The following UBE2D2 variants were observed in gnomAD, a reference collection of about 807,000 sequenced individuals.
UBE2D2 encodes the protein ubiquitin-conjugating enzyme E2 D2.
UBE2D2 carries 2 observed loss-of-function variants against 24.2 expected under a neutral mutation model. The ratio of observed to expected loss-of-function variants is 0.08; its 90% CI spans 0.03 to 0.26. UBE2D2 has a LOEUF of 0.26. UBE2D2 is among the 10% of genes least tolerant of loss of function. UBE2D2 has a pLI of 1.00. For synonymous variants in UBE2D2, 58 were observed against 56.5 expected, an observed-to-expected ratio of 1.03 and a Z score of -0.12; for missense variants, 44 against 177.6, an observed-to-expected ratio of 0.25 and a Z score of 4.28.
chr5:139,608,030 A>C (rs1368522406), intron 2 of UBE2D2, among the ~76,000 whole-genome samples: 4 of 152,040 alleles, frequency 2.6e-5, no homozygotes, highest in East Asian at 3.9e-4. Context: ...AAAAAAAAAA[A>C]AACTTAAATA....
chr5:139,561,760 GC>G lies in UBE2D2; in HGVS notation c.-28del. The G allele has an allele frequency of 2.0e-6, 1 of 500,292 alleles. No homozygotes were observed. The highest frequency in any genetic ancestry group is 3.0e-6 in the Non-Finnish European group (1 of 332,134). The allele number at this position is 500,292 out of a possible 1,614,324, so 31.0% of individuals were successfully genotyped here. A position where few individuals can be genotyped will look rare whatever the true frequency, so the allele number is the denominator to read the frequency against. ...CCGTCCCTTCCCCGCCCCCGTCCCC[GC>G]CCCGGGGGCCGCCGCCACCCGCCTC... On this transcript the variant is annotated 5_prime_UTR_variant, in exon 1 of 7. Coordinates refer to ENST00000398733, the MANE Select transcript of UBE2D2 (RefSeq NM_003339.3).
intron 1 of UBE2D2, among the ~76,000 whole-genome samples, chr5:139,542,974 G>A (rs1752778355): frequency 6.6e-6 from 1 of 152,110 alleles, no homozygotes; most frequent in Non-Finnish European, 1.5e-5. Context: ...TCAGCTCACT[G>A]CAACCTCTGC....
intron 1 of UBE2D2, among the ~76,000 whole-genome samples, chr5:139,549,703 C>T (rs1248197710): frequency 6.6e-6 from 1 of 152,358 alleles, no homozygotes; most frequent in East Asian, 1.9e-4. Context: ...CCCATCCCAT[C>T]GACCGCCCAA....
intron 1 of UBE2D2, among the ~76,000 whole-genome samples, chr5:139,582,969 T>C (rs561252892): frequency 3.3e-4 from 49 of 149,034 alleles, no homozygotes; most frequent in Admixed American, 2.0e-3. Flanking sequence ...TGCGCCCGGC[T>C]TTTTTTTCTT....
Position 139,561,656 on chromosome 5 carries a change from G to A in UBE2D2, c.-136G>A. The A allele has an allele frequency of 3.2e-6, 2 of 618,350 alleles. No homozygotes were observed. The highest frequency in any genetic ancestry group is 2.6e-5 in the South Asian group (1 of 38,284). 38.3% of individuals were successfully genotyped at this position (618,350 alleles called of 1,614,324 possible). A position where few individuals can be genotyped will look rare whatever the true frequency, so the allele number is the denominator to read the frequency against. On this transcript the variant is annotated 5_prime_UTR_variant, in exon 1 of 7. Coordinates refer to ENST00000398733, the MANE Select transcript of UBE2D2 (RefSeq NM_003339.3). The stretch of plus-strand genomic sequence containing the variant: ...GCCCCGGCCCTCAGCCCGTCCCGCC[G>A]GACCCGCTTTCCTCAACTCTCCATC...
intron 1 of UBE2D2, among the ~76,000 whole-genome samples, chr5:139,549,680 T>C (rs1244588773): frequency 6.6e-6 from 1 of 152,192 alleles, no homozygotes; most frequent in Non-Finnish European, 1.5e-5. Context: ...CGCCACCCCC[T>C]GCTCCGCGGC....
chr5:139,575,365 G>C (rs1320087610), intron 1 of UBE2D2, among the ~76,000 whole-genome samples: 1 of 151,970 alleles, frequency 6.6e-6, no homozygotes, highest in Non-Finnish European at 1.5e-5. Flanking sequence ...CTACGGAATT[G>C]GTATAATCTC....
intron 2 of UBE2D2, among the ~76,000 whole-genome samples, chr5:139,601,370 G>A (rs924308193): frequency 2.0e-5 from 3 of 152,126 alleles, no homozygotes; most frequent in African/African-American, 4.8e-5. Context: ...TTAGGAGACC[G>A]AGGCAGGTGA....
chr5:139,618,064 C>G (rs1018016783), intron 5 of UBE2D2, among the ~76,000 whole-genome samples: 1 of 152,112 alleles, frequency 6.6e-6, no homozygotes, highest in South Asian at 2.1e-4. Context: ...ACCTCCACCT[C>G]CCGGGTTCAA....
intron 2 of UBE2D2, among the ~76,000 whole-genome samples, chr5:139,608,247 C>A (rs989924768): frequency 6.6e-6 from 1 of 151,932 alleles, no homozygotes; most frequent in African/African-American, 2.4e-5. Context: ...GTCTGGGCAA[C>A]GTGACAAAAC....
intron 1 of UBE2D2, among the ~76,000 whole-genome samples, chr5:139,585,133 C>T (rs750129588): frequency 5.3e-5 from 8 of 151,648 alleles, no homozygotes; most frequent in Admixed American, 1.3e-4. Flanking sequence ...CTCCGCACCT[C>T]ACATGATCCA....
chr5:139,623,342 A>G (rs1754551942), intron 5 of UBE2D2, 26 bp from the exon 6 acceptor site: 1 of 1,538,102 alleles, frequency 6.5e-7, no homozygotes, highest in East Asian at 2.3e-5. Context: ...ATCCTCTGCT[A>G]ATTTATATGA....
At chr5:139,569,149 A>G (rs1268399605) in intron 1 of UBE2D2, among the ~76,000 whole-genome samples, 1 of 152,166 alleles carries the variant, frequency 6.6e-6, no homozygotes. Flanking sequence ...TATCTTGGAT[A>G]GTTCTATCTT....
chr5:139,550,621 C>T (rs1021658157), intron 1 of UBE2D2, among the ~76,000 whole-genome samples: 3 of 151,994 alleles, frequency 2.0e-5, no homozygotes, highest in Admixed American at 6.6e-5. Flanking sequence ...GCTGCTCATT[C>T]TTTGGGTACA....
chr5:139,614,692 A>G lies in UBE2D2; in HGVS notation c.121-5A>G, dbSNP rs1754387958. ...TTTTAATCCCACTTTTCTTGTTATC[A>G]ACAGAATGACAGTCCCTATCAGGGT... On this transcript the variant is annotated splice_region_variant and splice_polypyrimidine_tract_variant and intron_variant, in intron 3 of 6. Transcript: ENST00000398733. The G allele has an allele frequency of 6.2e-7, 1 of 1,613,798 alleles. No individual in the cohort carries two copies. The highest frequency in any genetic ancestry group is 1.7e-5 in the Admixed American group (1 of 59,994).
chr5:139,609,035 A>G (rs28666809), intron 2 of UBE2D2, among the ~76,000 whole-genome samples: 2 of 152,064 alleles, frequency 1.3e-5, no homozygotes, highest in South Asian at 4.2e-4. Context: ...TGCAGTGAGC[A>G]AAGATCGCAC....
intron 1 of UBE2D2, among the ~76,000 whole-genome samples, chr5:139,574,149 T>G (rs1168618230): frequency 6.9e-6 from 1 of 145,308 alleles, no homozygotes; most frequent in Non-Finnish European, 1.5e-5. Flanking sequence ...GGCGTGGTGG[T>G]GGGGGCCTGT....
chr5:139,548,952 G>A (rs1383026662), intron 1 of UBE2D2, among the ~76,000 whole-genome samples: 4 of 151,772 alleles, frequency 2.6e-5, no homozygotes, highest in African/African-American at 4.8e-5. Context: ...GGGTTCAAGC[G>A]ATTCTCCTGC....
chr5:139,625,062 C>CTT (rs113465063), intron 6 of UBE2D2, among the ~76,000 whole-genome samples: 1 of 146,422 alleles, frequency 6.8e-6, no homozygotes, highest in Non-Finnish European at 1.5e-5. Flanking sequence ...TAACCCCCCA[C>CTT]TTTTTTTTTT....
Sources: gnomAD v4.1 joint callset for allele counts (sites outside exome capture counted in the v4.1 genomes callset) on GRCh38, gnomAD v4.1.1 for gene constraint, MANE v1.5 for transcripts, NCBI Gene and HGNC (gene_info 2026-07-23, HGNC 2026-07-21) for gene names.